VPS50: variants seen among roughly 807,000 people sequenced by gnomAD.
The protein encoded by VPS50 is syndetin.
A neutral mutation model predicts 139.7 loss-of-function variants in VPS50; 70 were observed. The ratio of observed to expected loss-of-function variants is 0.50; its 90% CI spans 0.41 to 0.61. The LOEUF (loss-of-function observed/expected upper bound fraction) is 0.61. Ranked by LOEUF, VPS50 falls within the 20% of genes least tolerant of loss-of-function variation. The pLI is 0.00. For synonymous variants in VPS50, 365 were observed against 376.7 expected, an observed-to-expected ratio of 0.97 and a Z score of 0.36; for missense variants, 921 against 1,133.7, an observed-to-expected ratio of 0.81 and a Z score of 2.69.
intron 23 of VPS50, among the ~76,000 whole-genome samples, chr7:93,346,521 A>G (rs1355872707): frequency 6.6e-6 from 1 of 152,236 alleles, no homozygotes; most frequent in African/African-American, 2.4e-5. Flanking sequence ...CGCCAAGTCC[A>G]TCCTGAGCCA....
intron 19 of VPS50, 62 bp from the exon 20 acceptor site, chr7:93,311,100 TCTGA>T (rs752030170): frequency 1.4e-5 from 11 of 787,438 alleles, no homozygotes; most frequent in Non-Finnish European, 2.5e-5. Flanking sequence ...TAGGGACCTA[TCTGA>T]CTAACTTATT....
intron 23 of VPS50, among the ~76,000 whole-genome samples, chr7:93,342,028 C>T (rs1356322037): frequency 3.9e-5 from 6 of 152,182 alleles, no homozygotes; most frequent in Non-Finnish European, 8.8e-5. Context: ...GTGAACGACA[C>T]AGAAGACGGG....
chr7:93,280,012 G>A (rs1232318357), intron 12 of VPS50, among the ~76,000 whole-genome samples: 2 of 151,930 alleles, frequency 1.3e-5, no homozygotes, highest in African/African-American at 4.8e-5. Flanking sequence ...AAACCTCTTG[G>A]AAATCTGAGA....
At chr7:93,241,426 G>A (rs1794987260) in intron 2 of VPS50, among the ~76,000 whole-genome samples, 1 of 152,056 alleles carries the variant, frequency 6.6e-6, no homozygotes, top group Non-Finnish European at 1.5e-5. Context: ...CTAAAGCACT[G>A]GTCTCTTTAG....
At chr7:93,306,265 G>C (rs1459383769) in intron 18 of VPS50, among the ~76,000 whole-genome samples, 1 of 151,822 alleles carries the variant, frequency 6.6e-6, no homozygotes, top group African/African-American at 2.4e-5. Flanking sequence ...TGCTAATCAA[G>C]TAGTAGTGTA....
At chr7:93,294,976 A>AT (rs913363656) in intron 14 of VPS50, among the ~76,000 whole-genome samples, 58 of 151,460 alleles carry the variant, frequency 3.8e-4, no homozygotes, top group African/African-American at 1.3e-3. Context: ...TGTTTTCTTA[A>AT]TTTTTTTTTC....
At chr7:93,242,009 A>T (rs973604036) in intron 2 of VPS50, among the ~76,000 whole-genome samples, 1 of 152,022 alleles carries the variant, frequency 6.6e-6, no homozygotes, top group African/African-American at 2.4e-5. Flanking sequence ...GATTATTTTG[A>T]AATAACTTTT....
At chr7:93,357,762 C>G (rs1049742109) in intron 27 of VPS50, among the ~76,000 whole-genome samples, 4 of 152,188 alleles carry the variant, frequency 2.6e-5, no homozygotes, top group Non-Finnish European at 5.9e-5. Context: ...AATTCAGGAA[C>G]CAGATGGATT....
chr7:93,261,917 A>G (rs952510276), intron 9 of VPS50, among the ~76,000 whole-genome samples: 2 of 152,148 alleles, frequency 1.3e-5, no homozygotes. Flanking sequence ...ATATGTATCT[A>G]TTGGATTTAT....
At chr7:93,235,715 C>A (rs1028755474) in intron 1 of VPS50, among the ~76,000 whole-genome samples, 1 of 152,098 alleles carries the variant, frequency 6.6e-6, no homozygotes, top group African/African-American at 2.4e-5. Flanking sequence ...GAGGGAGGAA[C>A]AGATTGAGGG....
chr7:93,265,419 C>G (rs1405458738), intron 9 of VPS50, among the ~76,000 whole-genome samples: 3 of 152,274 alleles, frequency 2.0e-5, no homozygotes, highest in African/African-American at 7.2e-5. Flanking sequence ...TCTACTAAAA[C>G]TTTATTTAGA....
At chr7:93,253,567 T>C (rs1454005007) in intron 3 of VPS50, among the ~76,000 whole-genome samples, 2 of 152,278 alleles carry the variant, frequency 1.3e-5, no homozygotes, top group East Asian at 3.9e-4. Flanking sequence ...TCTGTCGGCC[T>C]AGGGTCCAGA....
chr7:93,282,217 CAAA>C (rs1161576591), intron 12 of VPS50, among the ~76,000 whole-genome samples: 6 of 150,058 alleles, frequency 4.0e-5, no homozygotes, highest in Admixed American at 4.0e-4. Context: ...AAAAAAAAAA[CAAA>C]AAACAATTTT....
rs145784553 is a variant in VPS50, at chr7:93,284,850, A to G, written c.943-6853A>G. Among the ~76,000 whole-genome samples the G allele has an allele frequency of 1.6e-3, 244 of 152,320 alleles. 3 individuals are homozygous for G. Among genetic ancestry groups the G allele is most frequent in the African/African-American group, 5.7e-3 (239 of 41,570 alleles). On this transcript the variant is annotated intron_variant, in intron 12 of 27. Transcript: ENST00000305866. ...TTTCATCTAGTTCAGTGCTCTTTCCACTATGCAGTACTACCTCTCTGGTTT... is the reference window on the plus strand; with the variant it reads ...TTTCATCTAGTTCAGTGCTCTTTCCGCTATGCAGTACTACCTCTCTGGTTT...
intron 2 of VPS50, among the ~76,000 whole-genome samples, chr7:93,240,949 T>G (rs1189280175): frequency 6.6e-6 from 1 of 152,140 alleles, no homozygotes; most frequent in Non-Finnish European, 1.5e-5. Context: ...GACAAAAACT[T>G]AAGAAAAGCA....
intron 9 of VPS50, 68 bp from the exon 10 acceptor site, chr7:93,271,152 G>A (rs1376706591): frequency 3.9e-6 from 6 of 1,519,196 alleles, no homozygotes; most frequent in Middle Eastern, 3.6e-4. Flanking sequence ...TATTCAGTTA[G>A]TATGTATTTA....
rs1797241425 is a variant in VPS50 at position 93,310,653 on chromosome 7, GA to G, written c.1749-511del. 3.9e-5 allele frequency among the ~76,000 whole-genome samples: 6 copies of G among 152,026 alleles called. No homozygotes were observed. In the South Asian group the frequency reaches 1.0e-3, roughly 26 times the overall value. On this transcript the variant is annotated intron_variant, in intron 19 of 27. Coordinates refer to ENST00000305866, the MANE Select transcript of VPS50 (RefSeq NM_017667.4). Reference sequence around the variant, plus strand: ...CACTTCTTCTACATGCGAACGTGGTGAACTCCTTGTACTTTTCTGAGCGCAC... The same window carrying G: ...CACTTCTTCTACATGCGAACGTGGTGACTCCTTGTACTTTTCTGAGCGCAC...
chr7:93,322,524 T>C (rs1016885869), intron 20 of VPS50, among the ~76,000 whole-genome samples: 5 of 133,666 alleles, frequency 3.7e-5, no homozygotes, highest in South Asian at 4.6e-4. Flanking sequence ...GGCGTGAACC[T>C]GGGAGGCGGA....
intron 23 of VPS50, among the ~76,000 whole-genome samples, chr7:93,346,628 T>C (rs1005223679): frequency 6.6e-6 from 1 of 151,736 alleles, no homozygotes; most frequent in Non-Finnish European, 1.5e-5. Flanking sequence ...AAAACAGAGA[T>C]ATAGATCAAT....
Sources: allele counts gnomAD v4.1 joint callset (sites outside exome capture counted in the v4.1 genomes callset), GRCh38; gene constraint gnomAD v4.1.1; transcripts MANE v1.5; gene names NCBI Gene and HGNC (gene_info 2026-07-23, HGNC 2026-07-21).